Variants in DNMT3B observed in about 807,000 individuals in gnomAD.
The protein encoded by DNMT3B is DNA (cytosine-5)-methyltransferase 3B.
Under a neutral mutation model 120.2 loss-of-function variants are expected in DNMT3B, and 37 were observed. That is an observed-to-expected ratio of 0.31 (90% CI 0.24 to 0.40). DNMT3B has a LOEUF of 0.40. DNMT3B is among the 10% of genes least tolerant of loss of function. DNMT3B has a pLI of 1.00. For synonymous variants in DNMT3B, 412 were observed against 442.8 expected (o/e 0.93, Z 0.87); for missense variants, 878 against 1,137.3 (o/e 0.77, Z 3.28).
chr20:32,784,478 G>A (rs896925375), intron 3 of DNMT3B, among the ~76,000 whole-genome samples: 2 of 152,212 alleles, frequency 1.3e-5, no homozygotes, highest in East Asian at 1.9e-4. Context: ...CTAGCTGCTC[G>A]CTGCTTCAGC....
chr20:32,800,023 C>A, intron 16 of DNMT3B, 130 bp from the exon 17 acceptor site: 1 of 1,368,398 alleles, frequency 7.3e-7, no homozygotes, highest in Non-Finnish European at 1.0e-6. Context: ...GCGTGTACAG[C>A]CTTTGCTGGA....
At chr20:32,796,946 G>T (rs750352959) in intron 13 of DNMT3B, 77 bp downstream of exon 13, 4 of 1,614,038 alleles carry the variant, frequency 2.5e-6, no homozygotes, top group Admixed American at 3.3e-5. Flanking sequence ...AACAGCACCT[G>T]TGTGGAGACT....
intron 19 of DNMT3B, 89 bp downstream of exon 19, chr20:32,801,515 T>G: frequency 1.3e-6 from 2 of 1,554,162 alleles, no homozygotes; most frequent in East Asian, 4.5e-5. Flanking sequence ...TTGCCAACAT[T>G]GGGAATGACT....
intron 3 of DNMT3B, among the ~76,000 whole-genome samples, chr20:32,783,912 A>T (rs867363943): frequency 6.7e-5 from 9 of 134,290 alleles, no homozygotes; most frequent in South Asian, 2.4e-4. Flanking sequence ...TTGTATTTGT[A>T]TTTTTTTTTT....
intron 13 of DNMT3B, 145 bp from the exon 14 acceptor site, chr20:32,797,042 A>C: frequency 1.9e-6 from 3 of 1,607,364 alleles, no homozygotes; most frequent in Non-Finnish European, 1.7e-6. Context: ...AATGGCACGC[A>C]GGTCACAGCC....
chr20:32,786,709 C>T, intron 5 of DNMT3B, 82 bp downstream of exon 5: 3 of 1,599,638 alleles, frequency 1.9e-6, no homozygotes, highest in Non-Finnish European at 2.6e-6. Context: ...CTGGTTGTGG[C>T]TGGTAGATAA....
At chr20:32,785,401 C>G (rs1168623704) in intron 4 of DNMT3B, among the ~76,000 whole-genome samples, 1 of 152,116 alleles carries the variant, frequency 6.6e-6, no homozygotes, top group African/African-American at 2.4e-5. Context: ...TTGTAACACT[C>G]TTGGAGGTGC....
At position 32,795,655 on chromosome 20, in the gene DNMT3B, A is replaced by G. The variant is rs1223208192; in HGVS notation, c.1258A>G (p.Met420Val). The G allele has an allele frequency of 6.2e-7, 1 of 1,614,138 alleles. No individual in the cohort carries two copies. Among genetic ancestry groups the G allele is most frequent in the Non-Finnish European group, 8.5e-7 (1 of 1,180,026 alleles). Reference protein sequence around the residue: ...RGDEDQSREQMASDVANNKSS... With the variant: ...RGDEDQSREQVASDVANNKSS... ...CCTTCTTCTTTTCTCAATAGAACAA[A>G]TGGCTTCAGATGTTGCCAACAACAA... is the stretch of plus-strand genomic sequence containing the variant. The change falls in exon 12 of 23, where the codon ATG (methionine) becomes GTG (valine). Residue 420 changes from methionine to valine, a missense_variant. By Grantham distance (21) the Met-to-Val change is conservative. Around this residue, in one of 4 missense-constraint regions of DNMT3B, gnomAD observed 207 missense variants for 222.6 expected, o/e 0.93. Transcript: ENST00000328111.
intron 1 of DNMT3B, chr20:32,779,739 C>A (rs1656338432): frequency 5.9e-6 from 2 of 337,264 alleles, no homozygotes; most frequent in Non-Finnish European, 1.1e-5. Context: ...GGCCAGCAGA[C>A]CAATGGGCCC....
intron 22 of DNMT3B, among the ~76,000 whole-genome samples, chr20:32,807,235 T>C (rs1473164882): frequency 1.3e-5 from 2 of 152,306 alleles, no homozygotes; most frequent in African/African-American, 4.8e-5. Context: ...TCAGCCTCTG[T>C]AGCCTCTTTC....
At chr20:32,773,933 G>GTTTT (rs1337412734) in intron 1 of DNMT3B, among the ~76,000 whole-genome samples, 3 of 47,224 alleles carry the variant, frequency 6.4e-5, no homozygotes, top group African/African-American at 3.3e-4. Flanking sequence ...GCCCGGCAGT[G>GTTTT]GTTTTTTTTT....
intron 22 of DNMT3B, 50 bp from the exon 23 acceptor site, chr20:32,807,712 C>T (rs769406333): frequency 2.5e-6 from 4 of 1,611,644 alleles, no homozygotes; most frequent in South Asian, 1.1e-5. Flanking sequence ...AGGCTGTCAA[C>T]ATCCTGGAGG....
intron 20 of DNMT3B, among the ~76,000 whole-genome samples, chr20:32,805,062 C>T (rs1304277968): frequency 6.6e-6 from 1 of 152,178 alleles, no homozygotes; most frequent in Non-Finnish European, 1.5e-5. Context: ...GAGGTTTCTC[C>T]TGCCCTACCC....
At chr20:32,793,760 G>C (rs1980272938) in intron 10 of DNMT3B, among the ~76,000 whole-genome samples, 165 bp downstream of exon 10, 1 of 152,076 alleles carries the variant, frequency 6.6e-6, no homozygotes, top group Non-Finnish European at 1.5e-5. Context: ...TACCCTCCAG[G>C]TTAACGTTGG....
chr20:32,792,267 C>T (rs1040554), intron 8 of DNMT3B, among the ~76,000 whole-genome samples: 77,130 of 151,558 alleles, frequency 0.51, 20,660 homozygotes, highest in East Asian at 0.99. Context: ...TCTAGTGCCG[C>T]CTTATATAAG....
chr20:32,787,126 T>C, intron 5 of DNMT3B, 104 bp from the exon 6 acceptor site: 1 of 1,363,894 alleles, frequency 7.3e-7, no homozygotes, highest in Non-Finnish European at 1.0e-6. Flanking sequence ...TTAACTTCAG[T>C]CTTTCCTCTT....
chr20:32,786,684 T>A, intron 5 of DNMT3B, 57 bp downstream of exon 5: 1 of 1,610,726 alleles, frequency 6.2e-7, no homozygotes, highest in South Asian at 1.1e-5. Context: ...GAGATATGCC[T>A]CACTCACTGC....
In DNMT3B at chr20:32,792,766, A is replaced by G. The variant is rs1308676242; in HGVS notation, c.1062A>G (p.Gln354=). 6.2e-7 allele frequency: 1 copy of G among 1,614,044 alleles called. No homozygotes were observed. The highest frequency in any genetic ancestry group is 1.7e-5 in the Admixed American group (1 of 60,024). The change falls in exon 9 of 23, where the codon CAA becomes CAG. Residue 354 remains glutamine (Q), a synonymous_variant. Coordinates refer to ENST00000328111, the MANE Select transcript of DNMT3B (RefSeq NM_006892.4). ...GIEGLKPNNT[Q]PVVNKSKVRR... The stretch of plus-strand genomic sequence containing the variant: ...AGGGCCTCAAACCCAACAACACGCA[A>G]CCAGGTGGGAATGAGTCCCCATGGC...
intron 3 of DNMT3B, among the ~76,000 whole-genome samples, 179 bp downstream of exon 3, chr20:32,781,593 T>C (rs1256956865): frequency 6.6e-6 from 1 of 152,276 alleles, no homozygotes; most frequent in African/African-American, 2.4e-5. Context: ...GTTACATTGC[T>C]AAATCTCTAA....
Sources: gnomAD v4.1 joint callset for allele counts (sites outside exome capture counted in the v4.1 genomes callset) on GRCh38, gnomAD v4.1.1 for gene constraint, gnomAD v4.1.1 regional missense constraint, MANE v1.5 for transcripts, NCBI Gene and HGNC (gene_info 2026-07-23, HGNC 2026-07-21) for gene names.